AGBL4: variants seen among roughly 807,000 people sequenced by gnomAD.
AGBL4 encodes cytosolic carboxypeptidase 6.
Under a neutral mutation model 66.4 loss-of-function variants are expected in AGBL4, and 58 were observed. The ratio of observed to expected loss-of-function variants is 0.87; its 90% CI spans 0.71 to 1.09. AGBL4 has a LOEUF of 1.09. AGBL4 is among the 50% of genes least tolerant of loss of function. The pLI, the probability that AGBL4 is intolerant of heterozygous loss-of-function variation, is 0.00. For synonymous variants in AGBL4, 234 were observed against 222.9 expected (o/e 1.05, Z -0.44); for missense variants, 579 against 631.0 (o/e 0.92, Z 0.88).
intron 2 of AGBL4, among the ~76,000 whole-genome samples, chr1:49,714,004 C>G (rs1647880414): frequency 6.6e-6 from 1 of 151,998 alleles, no homozygotes; most frequent in African/African-American, 2.4e-5. Flanking sequence ...ACTGCACTCT[C>G]TAAACACTCT....
chr1:49,618,348 A>AAAAGCCCAGGACCAGACAG (rs1645290065), intron 3 of AGBL4, among the ~76,000 whole-genome samples: 2 of 150,872 alleles, frequency 1.3e-5, no homozygotes, highest in African/African-American at 2.4e-5. Flanking sequence ...AATGATGTAT[A>AAAAGCCCAGGACCAGACAG]ATCCTTTGGG....
chr1:49,113,380 G>C (rs1645451924), intron 4 of AGBL4, among the ~76,000 whole-genome samples: 1 of 151,742 alleles, frequency 6.6e-6, no homozygotes, highest in Non-Finnish European at 1.5e-5. Flanking sequence ...GAGTAGCTGG[G>C]ACTACAGGCA....
At chr1:48,882,852 A>G (rs1346288031) in intron 5 of AGBL4, among the ~76,000 whole-genome samples, 1 of 152,160 alleles carries the variant, frequency 6.6e-6, no homozygotes, top group Admixed American at 6.5e-5. Flanking sequence ...CCACATATAA[A>G]TGAGATCATA....
At chr1:48,706,036 T>C (rs1360521564) in intron 6 of AGBL4, among the ~76,000 whole-genome samples, 1 of 152,178 alleles carries the variant, frequency 6.6e-6, no homozygotes, top group Non-Finnish European at 1.5e-5. Flanking sequence ...AATTAAAAAG[T>C]ATATTTAAAA....
intron 6 of AGBL4, among the ~76,000 whole-genome samples, chr1:48,833,796 A>T (rs1465859366): frequency 6.6e-6 from 1 of 152,320 alleles, no homozygotes; most frequent in East Asian, 1.9e-4. Flanking sequence ...CAAGATAAAA[A>T]CATAGAGCTA....
intron 6 of AGBL4, among the ~76,000 whole-genome samples, chr1:48,749,910 T>A (rs1320757394): frequency 6.6e-6 from 1 of 152,044 alleles, no homozygotes; most frequent in East Asian, 1.9e-4. Flanking sequence ...GTTGGCTGGG[T>A]TGGGGGGCTA....
At chr1:48,752,063 A>G (rs1294153977) in intron 6 of AGBL4, among the ~76,000 whole-genome samples, 2 of 152,336 alleles carry the variant, frequency 1.3e-5, no homozygotes, top group East Asian at 3.9e-4. Flanking sequence ...AGGATACAAC[A>G]GTTTTTGAAA....
At chr1:48,764,115 G>T (rs2148669749) in intron 6 of AGBL4, among the ~76,000 whole-genome samples, 1 of 152,268 alleles carries the variant, frequency 6.6e-6, no homozygotes, top group South Asian at 2.1e-4. Flanking sequence ...GAGAACCCAA[G>T]ATCTCAAATG....
At chr1:49,125,591 G>A (rs908874006) in intron 4 of AGBL4, among the ~76,000 whole-genome samples, 5 of 152,086 alleles carry the variant, frequency 3.3e-5, no homozygotes, top group Admixed American at 3.3e-4. Flanking sequence ...CTGGAAAGAA[G>A]AAAAGTGTAA....
At chr1:49,285,957 T>A (rs1488071013) in intron 3 of AGBL4, among the ~76,000 whole-genome samples, 1 of 152,108 alleles carries the variant, frequency 6.6e-6, no homozygotes, top group African/African-American at 2.4e-5. Flanking sequence ...GATGCAAAAA[T>A]CCTCAATAAA....
intron 9 of AGBL4, among the ~76,000 whole-genome samples, chr1:48,622,574 C>T (rs754112247): frequency 6.7e-6 from 1 of 150,348 alleles, no homozygotes; most frequent in Non-Finnish European, 1.5e-5. Context: ...ACCTCTGCCT[C>T]CCGGGTTCAA....
intron 5 of AGBL4, among the ~76,000 whole-genome samples, chr1:48,927,001 C>T (rs1045219955): frequency 1.3e-5 from 2 of 152,064 alleles, no homozygotes; most frequent in East Asian, 1.9e-4. Context: ...TCTTTTGCCT[C>T]ATCCTCTGAT....
chr1:49,339,951 T>G (rs988373259), intron 3 of AGBL4, among the ~76,000 whole-genome samples: 1 of 152,202 alleles, frequency 6.6e-6, no homozygotes, highest in Non-Finnish European at 1.5e-5. Flanking sequence ...CAATACCATA[T>G]TCTCTTTTTG....
intron 3 of AGBL4, among the ~76,000 whole-genome samples, chr1:49,374,594 G>C (rs908598889): frequency 1.3e-5 from 2 of 152,102 alleles, no homozygotes; most frequent in African/African-American, 4.8e-5. Flanking sequence ...ATGTAAGACT[G>C]AGTCAAATGT....
chr1:48,774,929 C>A (rs974597983), intron 6 of AGBL4, among the ~76,000 whole-genome samples: 3 of 152,198 alleles, frequency 2.0e-5, no homozygotes, highest in Non-Finnish European at 4.4e-5. Flanking sequence ...TAGGACCCTT[C>A]CAGATCTAGG....
chr1:49,447,058 C>T (rs1646174166), intron 3 of AGBL4, among the ~76,000 whole-genome samples: 1 of 152,166 alleles, frequency 6.6e-6, no homozygotes, highest in South Asian at 2.1e-4. Context: ...TCTACCTCAG[C>T]CTCCAGTGGC....
intron 2 of AGBL4, among the ~76,000 whole-genome samples, chr1:49,827,710 G>T (rs1645547092): frequency 6.6e-6 from 1 of 152,100 alleles, no homozygotes; most frequent in African/African-American, 2.4e-5. Context: ...TACTTATCTA[G>T]TTCAATAGGG....
chr1:49,271,715 C>A (rs1644064696), intron 3 of AGBL4, among the ~76,000 whole-genome samples: 1 of 152,032 alleles, frequency 6.6e-6, no homozygotes, highest in African/African-American at 2.4e-5. Context: ...CCTCCCTACC[C>A]CTCCTTCTTC....
At chr1:48,580,126 A>G (rs2148330421) in intron 11 of AGBL4, among the ~76,000 whole-genome samples, 1 of 152,286 alleles carries the variant, frequency 6.6e-6, no homozygotes, top group South Asian at 2.1e-4. Flanking sequence ...CAGACATGAG[A>G]GCCAGTGGAG....
Sources: allele counts gnomAD v4.1 joint callset (sites outside exome capture counted in the v4.1 genomes callset), GRCh38; gene constraint gnomAD v4.1.1; transcripts MANE v1.5; gene names NCBI Gene and HGNC (gene_info 2026-07-23, HGNC 2026-07-21).